Variants in GRK4 observed in about 807,000 individuals in gnomAD.
GRK4 encodes G protein-coupled receptor kinase 4.
GRK4 carries 73 observed loss-of-function variants against 77.9 expected under a neutral mutation model. The observed-to-expected ratio is 0.94, with a 90% confidence interval of 0.78 to 1.14. The LOEUF (loss-of-function observed/expected upper bound fraction) is 1.14. Ranked by LOEUF, GRK4 falls within the 50% of genes most tolerant of loss-of-function variation. The probability of loss-of-function intolerance (pLI) is 0.00; values close to 1 mark genes in which losing one functional copy is unlikely to be tolerated. For synonymous variants in GRK4, 257 were observed against 254.4 expected, an observed-to-expected ratio of 1.01 and a Z score of -0.10; for missense variants, 729 against 700.2, an observed-to-expected ratio of 1.04 and a Z score of -0.46.
At chr4:2,971,078 A>C (rs1369553953) in intron 1 of GRK4, 1 of 151,934 alleles carries the variant, frequency 6.6e-6, no homozygotes, top group Non-Finnish European at 1.5e-5. Flanking sequence ...TCCTCAAAAA[A>C]CTCTAGAATT....
chr4:2,965,584 T>A (rs923183382), intron 1 of GRK4: 1 of 647,362 alleles, frequency 1.5e-6, no homozygotes. Context: ...GCGGCCACGC[T>A]TGTAGTCCCA....
rs1440124961 is a variant in GRK4, at chr4:3,009,676, C to A, written c.565C>A (p.His189Asn). Residue 189 changes from histidine (H) to asparagine (N), a missense_variant, in exon 7 of 16, where the codon CAT becomes AAT. Physicochemically the swap from His to Asn is moderately conservative, Grantham distance 68. Transcript: ENST00000398052. ...RQPVTKNTFR[H>N]YRVLGKGGFG... ...ACCCGTAACAAAGAACACATTTAGA[C>A]ATTACAGAGTTCTAGGAAAAGGCGG... The A allele has an allele frequency of 6.2e-7, 1 of 1,613,850 alleles. No individual in the cohort carries two copies. The highest frequency in any genetic ancestry group is 1.3e-5 in the African/African-American group (1 of 75,014).
At chr4:3,009,363 A>T (rs1314550755) in intron 6 of GRK4, among the ~76,000 whole-genome samples, 1 of 149,494 alleles carries the variant, frequency 6.7e-6, no homozygotes, top group Non-Finnish European at 1.5e-5. Context: ...CGGAGGTTGC[A>T]GTGAGCCTAG....
At chr4:2,974,058 C>T (rs1359854346) in intron 1 of GRK4, among the ~76,000 whole-genome samples, 1 of 152,180 alleles carries the variant, frequency 6.6e-6, no homozygotes, top group Non-Finnish European at 1.5e-5. Flanking sequence ...CTATGTTGCC[C>T]AGGCTGGCCT....
rs1725221461 is a variant in GRK4, at chr4:2,988,783, CAGTTCTGT to C, written c.206_213del (p.Gln69ArgfsTer11). 1 of 1,613,186 alleles carries C rather than the reference CAGTTCTGT, an allele frequency of 6.2e-7. No homozygotes were observed. Among genetic ancestry groups the C allele is most frequent in the Non-Finnish European group, 8.5e-7 (1 of 1,179,358 alleles). On this transcript the variant is annotated frameshift_variant, in exon 3 of 16. Coordinates refer to ENST00000398052, the MANE Select transcript of GRK4 (RefSeq NM_182982.3). LOFTEE classifies it high-confidence loss of function. ...ACCGATAGGAAGACGTCTCTTCAGGCAGTTCTGTGATACCAAACCCACTCTAAAGAGGC... is the reference window on the plus strand; with the variant it reads ...ACCGATAGGAAGACGTCTCTTCAGGCGATACCAAACCCACTCTAAAGAGGC...
At chr4:3,028,053 G>C in intron 11 of GRK4, 52 bp downstream of exon 11, 1 of 1,513,074 alleles carries the variant, frequency 6.6e-7, no homozygotes, top group Non-Finnish European at 9.2e-7. Context: ...GTGCCTGAGT[G>C]CCTCAGAACA....
At chr4:2,964,157 C>CCA (rs759327790) in intron 1 of GRK4, 35 bp downstream of exon 1, 3 of 1,523,140 alleles carry the variant, frequency 2.0e-6, no homozygotes, top group Non-Finnish European at 2.7e-6. Flanking sequence ...ACCCCCCCCC[C>CCA]AGAGAACCCC....
In GRK4 at chr4:3,004,247, C is replaced by T; in HGVS notation, c.356C>T (p.Pro119Leu). The change falls in exon 5 of 16, where the codon CCA (proline) becomes CTA (leucine). Residue 119 changes from proline (P) to leucine (L), a missense_variant. Pro to Leu is a moderately conservative substitution (Grantham distance 98). Transcript: ENST00000398052. ...TGTATTAAGTTGGCAGCCCCTTTAC[C>T]AGAAATACCTCCAGATGTTGTGACA... ...FFNDKLAAPL[P>L]EIPPDVVTEC... is the part of the protein sequence containing the mutation. The T allele has an allele frequency of 6.2e-7, 1 of 1,613,060 alleles. No individual in the cohort carries two copies. The highest frequency in any genetic ancestry group is 1.1e-5 in the South Asian group (1 of 91,012).
chr4:2,997,257 C>T (rs767382609), intron 4 of GRK4, among the ~76,000 whole-genome samples: 4 of 152,074 alleles, frequency 2.6e-5, no homozygotes, highest in Non-Finnish European at 4.4e-5. Flanking sequence ...CCTAGGGATA[C>T]AAAATTGGTT....
intron 15 of GRK4, among the ~76,000 whole-genome samples, chr4:3,039,924 C>T (rs530817888): frequency 9.8e-4 from 149 of 152,168 alleles, no homozygotes; most frequent in African/African-American, 3.6e-3. Flanking sequence ...CAGGTTCCCA[C>T]GTTTTGGGGA....
At chr4:2,986,336 A>T (rs1222269117) in intron 2 of GRK4, among the ~76,000 whole-genome samples, 14 of 103,924 alleles carry the variant, frequency 1.3e-4, no homozygotes, top group Admixed American at 2.0e-4. Flanking sequence ...AAAGTTCTTT[A>T]TATATAAAAG....
At position 3,029,362 on chromosome 4, in the gene GRK4, G is replaced by C. The variant is rs151005358; in HGVS notation, c.1222G>C (p.Glu408Gln). ...VDQRIKNDTE[E>Q]YSEKFSEDAK... is the part of the protein sequence containing the mutation. ...TCAAAGAATCAAGAATGATACCGAGGAGTATTCTGAGAAGTTTTCAGAGGA... is the reference window on the plus strand; with the variant it reads ...TCAAAGAATCAAGAATGATACCGAGCAGTATTCTGAGAAGTTTTCAGAGGA... The change falls in exon 12 of 16, where the codon GAG (glutamate) becomes CAG (glutamine). Residue 408 changes from glutamate (E) to glutamine (Q), a missense_variant. Physicochemically the swap from Glu to Gln is conservative, Grantham distance 29 (BLOSUM62 2). Coordinates refer to ENST00000398052, the MANE Select transcript of GRK4 (RefSeq NM_182982.3). 1 of 1,614,182 alleles carries C rather than the reference G, an allele frequency of 6.2e-7. No homozygotes were observed. Among genetic ancestry groups the C allele is most frequent in the Non-Finnish European group, 8.5e-7 (1 of 1,180,024 alleles).
intron 1 of GRK4, among the ~76,000 whole-genome samples, chr4:2,972,545 T>C (rs1465905755): frequency 6.7e-6 from 1 of 150,040 alleles, no homozygotes; most frequent in Non-Finnish European, 1.5e-5. Flanking sequence ...CCCTTTCTTC[T>C]CTCTCTCTCT....
chr4:3,011,583 T>G (rs1212918802), intron 7 of GRK4, among the ~76,000 whole-genome samples: 5 of 152,216 alleles, frequency 3.3e-5, no homozygotes. Context: ...TCTGGAGGTG[T>G]TGTACTCTCA....
At chr4:2,999,341 C>G (rs993032404) in intron 4 of GRK4, among the ~76,000 whole-genome samples, 2 of 152,140 alleles carry the variant, frequency 1.3e-5, no homozygotes, top group African/African-American at 4.8e-5. Context: ...GAGATTGCAG[C>G]ATGAATCCAT....
At chr4:3,003,921 A>G (rs1344093234) in intron 4 of GRK4, among the ~76,000 whole-genome samples, 1 of 152,060 alleles carries the variant, frequency 6.6e-6, no homozygotes, top group African/African-American at 2.4e-5. Context: ...ACGGAGTTTC[A>G]CCATGTTGGC....
chr4:3,032,075 C>T (rs73792175), intron 12 of GRK4, among the ~76,000 whole-genome samples: 6,485 of 152,246 alleles, frequency 0.043, 217 homozygotes, highest in African/African-American at 0.081. Flanking sequence ...GTCTTCCTCC[C>T]ACAGGACACT....
intron 1 of GRK4, among the ~76,000 whole-genome samples, chr4:2,982,349 C>T (rs1723106220): frequency 6.6e-6 from 1 of 152,218 alleles, no homozygotes; most frequent in Admixed American, 6.5e-5. Flanking sequence ...CAGTGTCAGG[C>T]TTAGGAAAGG....
At chr4:2,969,873 C>T (rs1394503523) in intron 1 of GRK4, among the ~76,000 whole-genome samples, 3 of 151,884 alleles carry the variant, frequency 2.0e-5, no homozygotes, top group Non-Finnish European at 2.9e-5. Context: ...GATGGGGTCT[C>T]ACTATGTTGC....
Sources: gnomAD v4.1 joint callset for allele counts (sites outside exome capture counted in the v4.1 genomes callset) on GRCh38, gnomAD v4.1.1 for gene constraint, MANE v1.5 for transcripts, NCBI Gene and HGNC (gene_info 2026-07-23, HGNC 2026-07-21) for gene names.